Variants in CAMK2B observed in about 807,000 individuals in gnomAD.
The protein encoded by CAMK2B is calcium/calmodulin dependent protein kinase II beta.
Under a neutral mutation model 93.7 loss-of-function variants are expected in CAMK2B, and 27 were observed. The ratio of observed to expected loss-of-function variants is 0.29; its 90% CI spans 0.21 to 0.40. The LOEUF is 0.40. CAMK2B is among the 10% of genes least tolerant of loss of function. CAMK2B has a pLI of 1.00. For synonymous variants in CAMK2B, 374 were observed against 358.8 expected (o/e 1.04, Z -0.48); for missense variants, 568 against 895.8 (o/e 0.63, Z 4.67).
chr7:44,284,515 G>A (rs1784554128), intron 1 of CAMK2B, among the ~76,000 whole-genome samples: 1 of 152,242 alleles, frequency 6.6e-6, no homozygotes, highest in African/African-American at 2.4e-5. Flanking sequence ...GGATCAGTCA[G>A]GCCCTCGGGA....
chr7:44,250,777 C>T (rs1477855877), intron 5 of CAMK2B, among the ~76,000 whole-genome samples: 5 of 152,234 alleles, frequency 3.3e-5, no homozygotes, highest in African/African-American at 1.2e-4. Context: ...ATCCGCCCGC[C>T]TCGGCCTCCC....
At chr7:44,232,229 A>T (rs746305299) in intron 16 of CAMK2B, among the ~76,000 whole-genome samples, 3 of 152,126 alleles carry the variant, frequency 2.0e-5, no homozygotes, top group Non-Finnish European at 4.4e-5. Context: ...GCCCAGGCCT[A>T]GGTGGGAGCT....
rs554254047 is a variant in CAMK2B at position 44,311,110 on chromosome 7, A to G, written c.65+14247T>C. Among the ~76,000 whole-genome samples, 7 of 152,126 alleles carry G rather than the reference A, an allele frequency of 4.6e-5. No homozygotes were observed. The highest frequency in any genetic ancestry group is 4.2e-4 in the South Asian group (2 of 4,816). On this transcript the variant is annotated intron_variant, in intron 1 of 23. Coordinates refer to ENST00000395749, the MANE Select transcript of CAMK2B (RefSeq NM_001220.5). The surrounding 1 kb of genome is among the most constrained non-coding windows in gnomAD (Gnocchi z 4.2). Reference sequence around the variant, plus strand: ...TACTTTTTTGAGACAGTCTCATTCTATTGCCCAGGCTGGAGTGCAATGGCG... The same window carrying G: ...TACTTTTTTGAGACAGTCTCATTCTGTTGCCCAGGCTGGAGTGCAATGGCG...
intron 2 of CAMK2B, among the ~76,000 whole-genome samples, chr7:44,272,313 G>T (rs901435302): frequency 6.6e-6 from 1 of 152,124 alleles, no homozygotes; most frequent in Non-Finnish European, 1.5e-5. Context: ...AGGTGAGGTG[G>T]TGTCGAAGGG....
In CAMK2B at chr7:44,234,685, T is replaced by C. The variant is rs762493595; in HGVS notation, c.1022-9A>G. The C allele has an allele frequency of 4.3e-6, 7 of 1,613,842 alleles. No individual in the cohort carries two copies. The highest frequency in any genetic ancestry group is 3.3e-5 in the Admixed American group (2 of 59,984). On this transcript the variant is annotated splice_polypyrimidine_tract_variant and intron_variant, in intron 13 of 23. Transcript: ENST00000395749. Reference sequence around the variant, plus strand: ...GTTGAGTAAACTCTTGGCTGCTGCATGGGGAGGAAGAAGGTATGGTGAGTG... The same window carrying C: ...GTTGAGTAAACTCTTGGCTGCTGCACGGGGAGGAAGAAGGTATGGTGAGTG...
chr7:44,243,200 T>C (rs2096698318), intron 8 of CAMK2B, 50 bp downstream of exon 8: 2 of 1,396,224 alleles, frequency 1.4e-6, no homozygotes, highest in South Asian at 1.2e-5. Context: ...AGGTGGGAAG[T>C]CCTGAAACAC....
chr7:44,228,714 C>T (rs1158759740), intron 19 of CAMK2B, 82 bp downstream of exon 19: 1 of 1,303,342 alleles, frequency 7.7e-7, no homozygotes, highest in Non-Finnish European at 1.0e-6. Context: ...GCCGTGCATG[C>T]AGGTGGGAAG....
chr7:44,285,932 C>T (rs1256951170), intron 1 of CAMK2B, among the ~76,000 whole-genome samples: 1 of 151,476 alleles, frequency 6.6e-6, no homozygotes, highest in Non-Finnish European at 1.5e-5. Flanking sequence ...TTCTCTTGCT[C>T]TGCTTGATTT....
chr7:44,308,093 T>C (rs4724299), intron 1 of CAMK2B, among the ~76,000 whole-genome samples: 4,100 of 152,310 alleles, frequency 0.027, 340 homozygotes, highest in East Asian at 0.24. Context: ...GGGCCTGCTG[T>C]GGCCTCACCC....
intron 2 of CAMK2B, among the ~76,000 whole-genome samples, chr7:44,267,765 C>A (rs1205493164): frequency 6.6e-6 from 1 of 152,056 alleles, no homozygotes; most frequent in Non-Finnish European, 1.5e-5. Context: ...TATCAAAAAA[C>A]CCCCAAAACA....
At chr7:44,241,809 G>T in intron 10 of CAMK2B, 26 bp from the exon 11 acceptor site, 1 of 1,590,442 alleles carries the variant, frequency 6.3e-7, no homozygotes, top group Non-Finnish European at 8.6e-7. Flanking sequence ...TGGTCATATG[G>T]CAGCCGAGCC....
intron 2 of CAMK2B, among the ~76,000 whole-genome samples, chr7:44,282,210 C>A (rs961234536): frequency 1.8e-4 from 27 of 152,336 alleles, no homozygotes; most frequent in African/African-American, 6.0e-4. Flanking sequence ...AACTGAGCAC[C>A]GCCCACTTAT....
At chr7:44,251,613 C>T (rs992346489) in intron 5 of CAMK2B, among the ~76,000 whole-genome samples, 12 of 152,242 alleles carry the variant, frequency 7.9e-5, no homozygotes, top group Non-Finnish European at 1.6e-4. Context: ...CCCTCTACAG[C>T]ACACAGGCCG....
intron 16 of CAMK2B, 73 bp downstream of exon 16, chr7:44,232,749 G>T: frequency 6.9e-7 from 1 of 1,458,278 alleles, no homozygotes; most frequent in Non-Finnish European, 9.6e-7. Context: ...TGGCACAAAT[G>T]CTGCCCCAGA....
intron 5 of CAMK2B, among the ~76,000 whole-genome samples, chr7:44,252,043 T>C (rs555651739): frequency 7.9e-5 from 12 of 152,192 alleles, no homozygotes; most frequent in Non-Finnish European, 4.4e-5. Context: ...GGGGAGGGGC[T>C]GTGGGTGTGT....
At chr7:44,291,362 C>T (rs1786781353) in intron 1 of CAMK2B, among the ~76,000 whole-genome samples, 1 of 152,164 alleles carries the variant, frequency 6.6e-6, no homozygotes, top group Admixed American at 6.5e-5. Flanking sequence ...CATCCTACCG[C>T]CCCACTGGCA....
Position 44,248,443 on chromosome 7 carries a change from T to A in CAMK2B, c.342-1251A>T, listed in dbSNP as rs965899291. 6.6e-6 allele frequency among the ~76,000 whole-genome samples: 1 copy of A among 151,828 alleles called. No individual in the cohort carries two copies. The highest frequency in any genetic ancestry group is 1.5e-5 in the Non-Finnish European group (1 of 67,978). On this transcript the variant is annotated intron_variant, in intron 5 of 23. Transcript: ENST00000395749. This position sits in a 1 kb window ranked among gnomAD's most constrained non-coding sequence, Gnocchi z 4.1. The stretch of plus-strand genomic sequence containing the variant: ...CCCTTCCCCAGGGACAGCTCCACAA[T>A]GCAGGGTGATAGCAGCCACCACCTC...
At chr7:44,242,132 C>G in intron 10 of CAMK2B, 86 bp downstream of exon 10, 1 of 1,481,210 alleles carries the variant, frequency 6.8e-7, no homozygotes, top group Non-Finnish European at 9.1e-7. Flanking sequence ...GGAACAGGAC[C>G]CTCTTGGGGT....
At chr7:44,277,796 C>A (rs1280834811) in intron 2 of CAMK2B, among the ~76,000 whole-genome samples, 3 of 151,734 alleles carry the variant, frequency 2.0e-5, no homozygotes, top group African/African-American at 7.2e-5. Flanking sequence ...TGGGTCCCCT[C>A]TCCATCCCCC....
Sources: allele counts gnomAD v4.1 joint callset (sites outside exome capture counted in the v4.1 genomes callset), GRCh38; gene constraint gnomAD v4.1.1; non-coding constraint Gnocchi (gnomAD v3.1); transcripts MANE v1.5; gene names NCBI Gene and HGNC (gene_info 2026-07-23, HGNC 2026-07-21).